The following ACSS2 variants were observed in gnomAD, a reference collection of about 807,000 sequenced individuals.
The protein encoded by ACSS2 is acyl-CoA synthetase short chain family member 2.
A neutral mutation model predicts 90.6 loss-of-function variants in ACSS2; 58 were observed. The ratio of observed to expected loss-of-function variants is 0.64; its 90% confidence interval spans 0.52 to 0.80. The LOEUF is 0.80. Among genes scored for constraint, ACSS2 ranks in the 30% least tolerant of loss-of-function variants. The pLI, the probability that ACSS2 is intolerant of heterozygous loss-of-function variation, is 0.00. For missense variants in ACSS2, 759 were observed against 912.0 expected (o/e 0.83, Z 2.16); for synonymous variants, 300 against 330.9 (o/e 0.91, Z 1.01).
intron 1 of ACSS2, among the ~76,000 whole-genome samples, chr20:34,881,676 T>C (rs2080074744): frequency 6.6e-6 from 1 of 152,242 alleles, no homozygotes. Context: ...TCTATTCATC[T>C]TTCAGATTTT....
chr20:34,879,028 C>T (rs1055688694), intron 1 of ACSS2, among the ~76,000 whole-genome samples: 3 of 151,364 alleles, frequency 2.0e-5, no homozygotes, highest in African/African-American at 7.3e-5. Context: ...CCTCAGCCTC[C>T]CGAGTAGCTG....
At chr20:34,879,979 A>C (rs545386397) in intron 1 of ACSS2, among the ~76,000 whole-genome samples, 10 of 152,242 alleles carry the variant, frequency 6.6e-5, no homozygotes, top group Non-Finnish European at 1.0e-4. Context: ...CATAAAGATT[A>C]AATGAGATTA....
At chr20:34,919,291 G>A (rs1363855211) in intron 7 of ACSS2, 144 bp from the exon 8 acceptor site, 1 of 1,314,722 alleles carries the variant, frequency 7.6e-7, no homozygotes, top group Non-Finnish European at 1.1e-6. Context: ...TGTTCTTTCT[G>A]TTCCATTCCA....
chr20:34,904,526 CAAAAT>C (rs1393791559), intron 2 of ACSS2, among the ~76,000 whole-genome samples: 1 of 152,004 alleles, frequency 6.6e-6, no homozygotes, highest in Admixed American at 6.6e-5. Context: ...GACTTTTACT[CAAAAT>C]GAAATGGGAA....
chr20:34,877,909 C>CAGACAGATAGAT (rs1555878357), intron 1 of ACSS2, among the ~76,000 whole-genome samples: 37 of 146,630 alleles, frequency 2.5e-4, no homozygotes, highest in Middle Eastern at 3.5e-3. Flanking sequence ...GATAGATAGA[C>CAGACAGATAGAT]AGATAGATAG....
At chr20:34,920,399 A>G in intron 8 of ACSS2, 140 bp from the exon 9 acceptor site, 1 of 720,496 alleles carries the variant, frequency 1.4e-6, no homozygotes, top group East Asian at 2.6e-5. Flanking sequence ...AGGAGATGGA[A>G]GGGAGATGGA....
At chr20:34,896,798 C>G (rs1460288722) in intron 2 of ACSS2, among the ~76,000 whole-genome samples, 1 of 152,202 alleles carries the variant, frequency 6.6e-6, no homozygotes, top group African/African-American at 2.4e-5. Context: ...AATCCTAGCA[C>G]TTTGGGAGGC....
rs1238070469 is a variant in ACSS2 at position 34,876,682 on chromosome 20, G to C, written c.37G>C (p.Gly13Arg). 3 of 1,414,218 alleles carry C rather than the reference G, an allele frequency of 2.1e-6. No individual in the cohort carries two copies. The highest frequency in any genetic ancestry group is 2.8e-6 in the Non-Finnish European group (3 of 1,076,552). The allele number at this position is 1,414,218 out of a possible 1,614,324, so 87.6% of individuals were successfully genotyped here. The change falls in exon 1 of 18, where the codon GGG becomes CGG. Residue 13 changes from glycine to arginine, a missense_variant. Gly to Arg is a moderately radical substitution (Grantham distance 125, BLOSUM62 -2). Transcript: ENST00000360596. ...LPEERVRSGSGSRGQEEAGAG... is the reference protein window; with the variant it reads ...LPEERVRSGSRSRGQEEAGAG... Reference sequence around the variant, plus strand: ...TGAGGAGCGGGTCCGGAGCGGCAGCGGGAGCCGGGGCCAGGAGGAAGCTGG... The same window carrying C: ...TGAGGAGCGGGTCCGGAGCGGCAGCCGGAGCCGGGGCCAGGAGGAAGCTGG...
At chr20:34,898,060 C>T (rs949264364) in intron 2 of ACSS2, among the ~76,000 whole-genome samples, 1 of 152,108 alleles carries the variant, frequency 6.6e-6, no homozygotes, top group African/African-American at 2.4e-5. Context: ...GAGTTTCTTC[C>T]TTCTGGTGGG....
At chr20:34,905,306 G>T (rs2080771173) in intron 2 of ACSS2, among the ~76,000 whole-genome samples, 1 of 151,310 alleles carries the variant, frequency 6.6e-6, no homozygotes, top group Non-Finnish European at 1.5e-5. Flanking sequence ...GGTCGCCCAG[G>T]CTGGAGTGCA....
intron 2 of ACSS2, among the ~76,000 whole-genome samples, chr20:34,894,204 AATCTGCCAGGCAC>A (rs1276960117): frequency 2.6e-5 from 4 of 152,246 alleles, no homozygotes; most frequent in Non-Finnish European, 5.9e-5. Flanking sequence ...TGAGTTAGAG[AATCTGCCAGGCAC>A]AGTGGCTCAT....
chr20:34,920,674 T>C lies in ACSS2; in HGVS notation c.1108T>C (p.Tyr370His), dbSNP rs376839994. 5.6e-6 allele frequency: 9 copies of C among 1,613,684 alleles called. No homozygotes were observed. Among genetic ancestry groups the C allele is most frequent in the Non-Finnish European group, 1.7e-6 (2 of 1,179,858 alleles). ...GATCACTGGTCATTCCTACGTCACC[T>C]ATGGGCCACTGGCCAATGGTGCCAC... ...GWITGHSYVT[Y>H]GPLANGATSV... The change falls in exon 9 of 18, where the codon TAT becomes CAT. Residue 370 changes from tyrosine to histidine, a missense_variant. Transcript: ENST00000360596.
At chr20:34,917,470 A>G (rs1001314340) in intron 7 of ACSS2, among the ~76,000 whole-genome samples, 1 of 152,234 alleles carries the variant, frequency 6.6e-6, no homozygotes, top group Non-Finnish European at 1.5e-5. Flanking sequence ...CAGGTGGTAC[A>G]GAAAGAACGG....
intron 2 of ACSS2, among the ~76,000 whole-genome samples, chr20:34,901,294 C>T (rs1002271633): frequency 6.6e-6 from 1 of 152,032 alleles, no homozygotes; most frequent in Non-Finnish European, 1.5e-5. Flanking sequence ...CAGGATCTTG[C>T]TTTGTTGTCC....
chr20:34,913,423 A>G lies in ACSS2; in HGVS notation c.497A>G (p.Tyr166Cys). The G allele has an allele frequency of 4.3e-6, 7 of 1,614,082 alleles. No individual in the cohort carries two copies. Among genetic ancestry groups the G allele is most frequent in the Non-Finnish European group, 3.4e-6 (4 of 1,179,988 alleles). The change falls in exon 4 of 18, where the codon TAC (tyrosine) becomes TGC (cysteine). Residue 166 changes from tyrosine to cysteine, a missense_variant. Coordinates refer to ENST00000360596, the MANE Select transcript of ACSS2 (RefSeq NM_018677.4). ...GIQKGDRVAI[Y>C]MPMIPELVVA... Reference sequence around the variant, plus strand: ...CAGAAGGGGGACCGAGTGGCCATCTACATGCCTATGATCCCAGAGCTTGTG... The same window carrying G: ...CAGAAGGGGGACCGAGTGGCCATCTGCATGCCTATGATCCCAGAGCTTGTG...
chr20:34,903,342 A>ATC (rs1250903588), intron 2 of ACSS2, among the ~76,000 whole-genome samples: 3 of 138,136 alleles, frequency 2.2e-5, no homozygotes, highest in East Asian at 2.0e-4. Context: ...ACTCTCTCAA[A>ATC]AAAAAAAAAA....
At chr20:34,923,598 C>G (rs964443215) in intron 14 of ACSS2, among the ~76,000 whole-genome samples, 167 bp downstream of exon 14, 17 of 152,160 alleles carry the variant, frequency 1.1e-4, no homozygotes, top group African/African-American at 4.1e-4. Context: ...GTGCAGGAAG[C>G]ATGGTGCTGG....
chr20:34,899,064 C>T (rs2080553631), intron 2 of ACSS2, among the ~76,000 whole-genome samples: 1 of 152,228 alleles, frequency 6.6e-6, no homozygotes, highest in Admixed American at 6.5e-5. Context: ...CCCCTCATTG[C>T]CTGGGGCCGG....
chr20:34,881,056 T>C (rs1470359601), intron 1 of ACSS2, among the ~76,000 whole-genome samples: 1 of 146,570 alleles, frequency 6.8e-6, no homozygotes, highest in Non-Finnish European at 1.5e-5. Context: ...AGATAGAGTC[T>C]TGTTCTGTTG....
Sources: allele counts gnomAD v4.1 joint callset (sites outside exome capture counted in the v4.1 genomes callset), GRCh38; gene constraint gnomAD v4.1.1; transcripts MANE v1.5; gene names NCBI Gene and HGNC (gene_info 2026-07-23, HGNC 2026-07-21).